SPIDR: variants seen among roughly 807,000 people sequenced by gnomAD.
SPIDR encodes scaffold protein involved in DNA repair.
SPIDR carries 93 observed loss-of-function variants against 104.6 expected under a neutral mutation model. The observed-to-expected ratio is 0.89, with a 90% CI of 0.75 to 1.06. The LOEUF is 1.06. Among genes scored for constraint, SPIDR ranks in the 50% least tolerant of loss-of-function variants. The pLI, the probability that SPIDR is intolerant of heterozygous loss-of-function variation, is 0.00. For missense variants in SPIDR, 1,154 were observed against 1,111.2 expected, an observed-to-expected ratio of 1.04 and a Z score of -0.55; for synonymous variants, 431 against 416.9, an observed-to-expected ratio of 1.03 and a Z score of -0.41.
intron 5 of SPIDR, among the ~76,000 whole-genome samples, chr8:47,328,367 G>A (rs138661232): frequency 4.6e-5 from 7 of 150,918 alleles, no homozygotes; most frequent in East Asian, 1.9e-4. Flanking sequence ...CAAGTGATCC[G>A]CTCACCTCGA....
At chr8:47,536,102 A>ATG (rs2154386494) in intron 8 of SPIDR, among the ~76,000 whole-genome samples, 1 of 151,758 alleles carries the variant, frequency 6.6e-6, no homozygotes, top group East Asian at 1.9e-4. Flanking sequence ...ATATATATAT[A>ATG]TAAGATCTAC....
Position 47,735,487 on chromosome 8 carries a change from T to C in SPIDR, c.*37T>C, listed in dbSNP as rs770049186. On this transcript the variant is annotated 3_prime_UTR_variant, in exon 20 of 20. Transcript: ENST00000297423. Reference sequence around the variant, plus strand: ...GGATCTGTGAACTTTGCAATGTGGCTGCAAGGGTGGTGGTGGTGGTGGTGA... The same window carrying C: ...GGATCTGTGAACTTTGCAATGTGGCCGCAAGGGTGGTGGTGGTGGTGGTGA... 1.9e-6 allele frequency: 3 copies of C among 1,613,988 alleles called. No individual in the cohort carries two copies. The highest frequency in any genetic ancestry group is 8.5e-7 in the Non-Finnish European group (1 of 1,180,004).
intron 5 of SPIDR, among the ~76,000 whole-genome samples, chr8:47,342,813 T>C (rs2051046600): frequency 6.6e-6 from 1 of 152,102 alleles, no homozygotes; most frequent in Non-Finnish European, 1.5e-5. Flanking sequence ...ATTAATAGAG[T>C]CACTGGGAGC....
intron 17 of SPIDR, among the ~76,000 whole-genome samples, chr8:47,728,153 A>G (rs13252390): frequency 1.0e-3 from 154 of 150,266 alleles, no homozygotes; most frequent in Non-Finnish European, 1.4e-3. Flanking sequence ...AAGATCGGCC[A>G]GGTGCAGTGT....
chr8:47,502,790 C>G (rs2154372026), intron 8 of SPIDR, among the ~76,000 whole-genome samples: 1 of 152,270 alleles, frequency 6.6e-6, no homozygotes, highest in South Asian at 2.1e-4. Context: ...ATAAATTTCC[C>G]TCTACACACT....
chr8:47,270,655 A>C (rs971488614), intron 1 of SPIDR, among the ~76,000 whole-genome samples: 13 of 151,948 alleles, frequency 8.6e-5, no homozygotes, highest in Non-Finnish European at 1.6e-4. Context: ...GCCAGATGGA[A>C]GTTTTATTGA....
chr8:47,326,341 A>G (rs1241858018), intron 5 of SPIDR, among the ~76,000 whole-genome samples: 4 of 152,010 alleles, frequency 2.6e-5, no homozygotes, highest in Non-Finnish European at 4.4e-5. Flanking sequence ...GGAAAATGCA[A>G]CTCTTTTCTT....
chr8:47,434,326 A>G (rs1408159841), intron 7 of SPIDR, among the ~76,000 whole-genome samples: 1 of 152,106 alleles, frequency 6.6e-6, no homozygotes, highest in Non-Finnish European at 1.5e-5. Context: ...GCACACTCAC[A>G]TGCATGCTGG....
At chr8:47,397,264 G>A (rs368030892) in intron 6 of SPIDR, among the ~76,000 whole-genome samples, 54 of 152,262 alleles carry the variant, frequency 3.5e-4, no homozygotes, top group African/African-American at 1.2e-3. Context: ...TTGGGAAGCC[G>A]AGGTGGGTGG....
At chr8:47,572,619 G>A (rs1403172251) in intron 8 of SPIDR, among the ~76,000 whole-genome samples, 7 of 151,504 alleles carry the variant, frequency 4.6e-5, no homozygotes, top group Non-Finnish European at 7.4e-5. Flanking sequence ...CTGAGATTGC[G>A]CCACTGCCAC....
chr8:47,403,324 TA>T lies in SPIDR; in HGVS notation c.777-4536del, dbSNP rs781951039. 3.3e-5 allele frequency among the ~76,000 whole-genome samples: 5 copies of T among 152,206 alleles called. 1 individual carries two copies. In the East Asian group the frequency reaches 9.6e-4, roughly 29 times the overall value. On this transcript the variant is annotated intron_variant, in intron 6 of 19. Coordinates refer to ENST00000297423, the MANE Select transcript of SPIDR (RefSeq NM_001080394.4). ...CAGGGATGCCCTCTCTCACCACTCC[TA>T]TTCAACATAGCGTTGGAAGTTCTGG...
At chr8:47,526,681 C>A (rs756474360) in intron 8 of SPIDR, among the ~76,000 whole-genome samples, 1 of 152,150 alleles carries the variant, frequency 6.6e-6, no homozygotes, top group Non-Finnish European at 1.5e-5. Flanking sequence ...GGAACTGTAA[C>A]AAGACAGTGT....
intron 8 of SPIDR, among the ~76,000 whole-genome samples, chr8:47,469,958 T>G: frequency 6.6e-6 from 1 of 152,232 alleles, no homozygotes; most frequent in Non-Finnish European, 1.5e-5. Flanking sequence ...ATTTCAGGCT[T>G]TAATATTGTT....
intron 8 of SPIDR, among the ~76,000 whole-genome samples, chr8:47,466,686 C>T (rs1263364425): frequency 6.7e-6 from 1 of 149,616 alleles, no homozygotes; most frequent in Non-Finnish European, 1.5e-5. Context: ...CATGGTGAAA[C>T]CCCGTCTCTA....
In SPIDR at chr8:47,399,813, G is replaced by A. The variant is rs547036469; in HGVS notation, c.776+3187G>A. Among the ~76,000 whole-genome samples the A allele has an allele frequency of 6.7e-4, 102 of 152,312 alleles. 1 individual carries two copies. Among genetic ancestry groups the A allele is most frequent in the African/African-American group, 2.4e-3 (98 of 41,568 alleles). ...TGCAGGATGTGGAGCATGGTGAGTT[G>A]GGGTAGAACTCACTGATTGAGGACT... On this transcript the variant is annotated intron_variant, in intron 6 of 19. Transcript: ENST00000297423.
In SPIDR at chr8:47,635,259, G is replaced by A. The variant is rs188225234; in HGVS notation, c.1544+36063G>A. ...CTCGGGAGGCTGAGGCCCAAGAATC[G>A]CTTGAACCTGGGAGGTGGAGGTTGC... On this transcript the variant is annotated intron_variant, in intron 10 of 19. Coordinates refer to ENST00000297423, the MANE Select transcript of SPIDR (RefSeq NM_001080394.4). 3.9e-5 allele frequency among the ~76,000 whole-genome samples: 6 copies of A among 152,132 alleles called. No homozygotes were observed. The East Asian group carries it at 5.8e-4, about 15-fold the overall frequency.
intron 8 of SPIDR, among the ~76,000 whole-genome samples, chr8:47,552,805 G>A (rs1196768242): frequency 2.6e-5 from 4 of 152,146 alleles, no homozygotes; most frequent in Non-Finnish European, 5.9e-5. Context: ...CTGTCATTTT[G>A]ATGTTAGCTG....
At position 47,712,395 on chromosome 8, in the gene SPIDR, T is replaced by G. The variant is rs972823006; in HGVS notation, c.1978-267T>G. On this transcript the variant is annotated intron_variant, in intron 14 of 19. Transcript: ENST00000297423. ...GATCAGGAGGAAAAGAACAATGGATTCAGCCTGAGGATGTCAGTGGACAAA... is the reference window on the plus strand; with the variant it reads ...GATCAGGAGGAAAAGAACAATGGATGCAGCCTGAGGATGTCAGTGGACAAA... 2.6e-4 allele frequency among the ~76,000 whole-genome samples: 40 copies of G among 152,292 alleles called. 1 individual carries two copies. Among genetic ancestry groups the G allele is most frequent in the African/African-American group, 9.6e-4 (40 of 41,562 alleles).
intron 11 of SPIDR, among the ~76,000 whole-genome samples, chr8:47,693,995 G>A (rs1014948067): frequency 6.6e-6 from 1 of 152,178 alleles, no homozygotes; most frequent in Non-Finnish European, 1.5e-5. Context: ...CTCCTTTCCG[G>A]TCCAGAGAGA....
Sources: allele counts gnomAD v4.1 joint callset (sites outside exome capture counted in the v4.1 genomes callset), GRCh38; gene constraint gnomAD v4.1.1; transcripts MANE v1.5; gene names NCBI Gene and HGNC (gene_info 2026-07-23, HGNC 2026-07-21).